The following PDZRN4 variants were observed in gnomAD, a reference collection of about 807,000 sequenced individuals.
PDZRN4 encodes PDZ domain-containing RING finger protein 4.
Under a neutral mutation model 99.0 loss-of-function variants are expected in PDZRN4, and 70 were observed. That is an observed-to-expected ratio of 0.71 (90% confidence interval 0.58 to 0.86). The LOEUF (loss-of-function observed/expected upper bound fraction) is 0.86. Ranked by LOEUF, PDZRN4 falls within the 40% of genes least tolerant of loss-of-function variation. PDZRN4 has a pLI of 0.00. For missense variants in PDZRN4, 1,474 were observed against 1,331.2 expected (o/e 1.11, Z -1.67); for synonymous variants, 551 against 501.6 (o/e 1.10, Z -1.32).
chr12:41,384,117 G>C (rs1952147787), intron 3 of PDZRN4, among the ~76,000 whole-genome samples: 2 of 151,054 alleles, frequency 1.3e-5, no homozygotes, highest in Admixed American at 6.6e-5. Flanking sequence ...ATTCTATAGA[G>C]ACTAAGCTTT....
intron 3 of PDZRN4, among the ~76,000 whole-genome samples, chr12:41,219,129 C>T (rs536980127): frequency 7.8e-4 from 119 of 152,040 alleles, no homozygotes; most frequent in Non-Finnish European, 1.3e-3. Flanking sequence ...TACAGAGATA[C>T]AGATCCTGCC....
At chr12:41,405,526 GA>G (rs1952340431) in intron 3 of PDZRN4, among the ~76,000 whole-genome samples, 1 of 152,160 alleles carries the variant, frequency 6.6e-6, no homozygotes, top group African/African-American at 2.4e-5. Context: ...AGCCACTGGG[GA>G]AAGCAGTTAA....
At chr12:41,532,848 T>C (rs1254704814) in intron 5 of PDZRN4, among the ~76,000 whole-genome samples, 1 of 152,204 alleles carries the variant, frequency 6.6e-6, no homozygotes, top group East Asian at 1.9e-4. Flanking sequence ...CTAGTACAAA[T>C]TAAATGTAAT....
chr12:41,381,961 A>T (rs1036200694), intron 3 of PDZRN4, among the ~76,000 whole-genome samples: 1 of 152,052 alleles, frequency 6.6e-6, no homozygotes, highest in African/African-American at 2.4e-5. Context: ...AAGATCTCTT[A>T]TTTGGTAGGG....
chr12:41,542,534 T>A lies in PDZRN4; in HGVS notation c.1204-10122T>A, dbSNP rs537430323. 5.3e-5 allele frequency among the ~76,000 whole-genome samples: 8 copies of A among 152,266 alleles called. No homozygotes were observed. The South Asian group carries it at 1.5e-3, about 28-fold the overall frequency. On this transcript the variant is annotated intron_variant, in intron 5 of 9. Coordinates refer to ENST00000402685, the MANE Select transcript of PDZRN4 (RefSeq NM_001164595.2). ...TAATACGCTTCATTCAGCATCTCTCTCCCATTCAGTGATTCTGCCACCCCC... is the reference window on the plus strand; with the variant it reads ...TAATACGCTTCATTCAGCATCTCTCACCCATTCAGTGATTCTGCCACCCCC...
intron 3 of PDZRN4, among the ~76,000 whole-genome samples, chr12:41,223,399 C>T (rs562175396): frequency 2.0e-5 from 3 of 152,062 alleles, no homozygotes; most frequent in Non-Finnish European, 4.4e-5. Context: ...CCCTCCTTCT[C>T]TCCCCCTACC....
intron 3 of PDZRN4, among the ~76,000 whole-genome samples, chr12:41,445,491 A>T (rs1952717990): frequency 6.6e-6 from 1 of 152,134 alleles, no homozygotes; most frequent in South Asian, 2.1e-4. Context: ...ATCACTGTCC[A>T]GTACATTCAT....
In PDZRN4 at chr12:41,189,098, C is replaced by G. The variant is rs377685520; in HGVS notation, c.643C>G (p.Arg215Gly). The change falls in exon 1 of 10, where the codon CGC becomes GGC. Residue 215 changes from arginine (R) to glycine (G), a missense_variant. Arg to Gly is a moderately radical substitution (Grantham distance 125). Transcript: ENST00000402685. ...CGTCGGCGACCTCGGTGGCGGCCAC[C>G]GCAGGGTAAGCAAAGGGGGGTGGGC... ...NFVGDLGGGH[R>G]RDGEHKPFTI... 10 of 1,580,146 alleles carry G rather than the reference C, an allele frequency of 6.3e-6. No homozygotes were observed. The African/African-American group carries it at 1.2e-4, about 19-fold the overall frequency.
At chr12:41,278,073 A>G (rs1027523446) in intron 3 of PDZRN4, among the ~76,000 whole-genome samples, 7 of 152,212 alleles carry the variant, frequency 4.6e-5, no homozygotes, top group African/African-American at 1.4e-4. Context: ...TTGGCACTCA[A>G]TATGTTTGCA....
intron 3 of PDZRN4, among the ~76,000 whole-genome samples, chr12:41,442,239 A>C: frequency 6.6e-6 from 1 of 152,156 alleles, no homozygotes; most frequent in Admixed American, 6.6e-5. Flanking sequence ...GACCCTTGTA[A>C]CTTACTTCCA....
rs143582685 is a variant in PDZRN4, at chr12:41,484,316, A to G, written c.844-22140A>G. Among the ~76,000 whole-genome samples the G allele has an allele frequency of 1.6e-3, 251 of 152,342 alleles. 1 individual carries two copies. The highest frequency in any genetic ancestry group is 5.7e-3 in the African/African-American group (238 of 41,586). ...TTCTCAAAATTGCAGGATTGAAAACATTATTTATGTGTTGGCTTCTTCTTA... is the reference window on the plus strand; with the variant it reads ...TTCTCAAAATTGCAGGATTGAAAACGTTATTTATGTGTTGGCTTCTTCTTA... On this transcript the variant is annotated intron_variant, in intron 3 of 9. Coordinates refer to ENST00000402685, the MANE Select transcript of PDZRN4 (RefSeq NM_001164595.2).
intron 3 of PDZRN4, among the ~76,000 whole-genome samples, chr12:41,399,311 T>A (rs749660132): frequency 1.3e-5 from 2 of 152,328 alleles, no homozygotes; most frequent in African/African-American, 4.8e-5. Flanking sequence ...GTATTAAAAT[T>A]CAAATAGTGA....
At chr12:41,560,455 A>G (rs1438111543) in intron 7 of PDZRN4, among the ~76,000 whole-genome samples, 2 of 152,212 alleles carry the variant, frequency 1.3e-5, no homozygotes, top group Non-Finnish European at 2.9e-5. Context: ...ATCTCTTCTT[A>G]GCCAAGGCAA....
At chr12:41,318,095 A>G (rs1951651303) in intron 3 of PDZRN4, among the ~76,000 whole-genome samples, 1 of 152,186 alleles carries the variant, frequency 6.6e-6, no homozygotes, top group Admixed American at 6.5e-5. Context: ...TTTATTGAAT[A>G]TCCCATTAAA....
intron 3 of PDZRN4, among the ~76,000 whole-genome samples, chr12:41,498,905 T>G (rs1938060022): frequency 6.6e-6 from 1 of 152,106 alleles, no homozygotes. Flanking sequence ...GATAACAAAT[T>G]TTAGTTCTTG....
intron 3 of PDZRN4, among the ~76,000 whole-genome samples, chr12:41,307,115 T>A (rs1406254070): frequency 1.3e-5 from 2 of 152,166 alleles, no homozygotes; most frequent in African/African-American, 4.8e-5. Flanking sequence ...GCTTCAAAAT[T>A]TTTTTCAGTA....
chr12:41,262,962 T>C (rs1315019959), intron 3 of PDZRN4, among the ~76,000 whole-genome samples: 3 of 127,056 alleles, frequency 2.4e-5, no homozygotes, highest in Non-Finnish European at 5.0e-5. Flanking sequence ...TGTATATATG[T>C]ATATATATAT....
chr12:41,418,802 C>T (rs1323176254), intron 3 of PDZRN4, among the ~76,000 whole-genome samples: 1 of 152,144 alleles, frequency 6.6e-6, no homozygotes, highest in East Asian at 1.9e-4. Flanking sequence ...AAGGGTTTGG[C>T]TGGAGAAGAA....
At chr12:41,539,328 A>C (rs1266106645) in intron 5 of PDZRN4, among the ~76,000 whole-genome samples, 1 of 152,046 alleles carries the variant, frequency 6.6e-6, no homozygotes, top group Non-Finnish European at 1.5e-5. Flanking sequence ...TCAATATTTT[A>C]TGATCTTTTG....
Sources: allele counts gnomAD v4.1 joint callset (sites outside exome capture counted in the v4.1 genomes callset), GRCh38; gene constraint gnomAD v4.1.1; transcripts MANE v1.5; gene names NCBI Gene and HGNC (gene_info 2026-07-23, HGNC 2026-07-21).